Variants in PLXNA3 observed in about 807,000 individuals in gnomAD.
The protein encoded by PLXNA3 is plexin-A3.
PLXNA3 carries 52 observed loss-of-function variants against 118.8 expected under a neutral mutation model. The observed-to-expected ratio is 0.44, with a 90% CI of 0.35 to 0.55. The LOEUF (loss-of-function observed/expected upper bound fraction) is 0.55. Among genes scored for constraint, PLXNA3 ranks in the 20% least tolerant of loss-of-function variants. PLXNA3 has a pLI of 0.01. For missense variants in PLXNA3, 1,660 were observed against 1,730.8 expected (o/e 0.96, Z 0.73); for synonymous variants, 925 against 762.4 (o/e 1.21, Z -3.51).
chrX:154,470,953 C>T (rs1486585805), intron 30 of PLXNA3, 152 bp from the exon 31 acceptor site: 26 of 470,841 alleles, frequency 5.5e-5, no homozygotes, highest in South Asian at 2.5e-4. Flanking sequence ...TCAGCAGAGA[C>T]TTAGAGGAAA....
chrX:154,460,189 C>T lies in PLXNA3; in HGVS notation c.6C>T (p.Pro2=), dbSNP rs782516007. The change falls in exon 2 of 33, where the codon CCC becomes CCT. Residue 2 remains proline, a synonymous_variant. Transcript: ENST00000369682. M[P]SVCLLLLLFL... The stretch of plus-strand genomic sequence containing the variant: ...CCCAGGCGCGGCTGCCGGCCATGCC[C>T]TCTGTCTGCCTCCTCCTGCTGCTCT... The T allele has an allele frequency of 5.0e-6, 6 of 1,200,546 alleles. No homozygotes were observed. The South Asian group carries it at 7.1e-5, about 14-fold the overall frequency.
intron 3 of PLXNA3, 45 bp downstream of exon 3, chrX:154,461,683 G>T: frequency 9.0e-7 from 1 of 1,107,643 alleles, no homozygotes; most frequent in Non-Finnish European, 1.2e-6. Context: ...CCTGTCCCAG[G>T]TCTACCATGC....
chrX:154,461,298 T>A lies in PLXNA3; in HGVS notation c.794T>A (p.Met265Lys). Residue 265 changes from methionine to lysine, a missense_variant, in exon 3 of 33, where the codon ATG becomes AAG. Coordinates refer to ENST00000369682, the MANE Select transcript of PLXNA3 (RefSeq NM_017514.5). ...TTTTTCACGTCCAAGATCGTGCGCA[T>A]GTGCGCGGGAGACTCAGAGTTCTAC... ...EKFFTSKIVR[M>K]CAGDSEFYSY... 2.5e-6 allele frequency: 3 copies of A among 1,212,098 alleles called. No individual in the cohort carries two copies. The highest frequency in any genetic ancestry group is 3.4e-6 in the Non-Finnish European group (3 of 895,315).
rs1557208815 is a variant in PLXNA3 at position 154,469,993 on chromosome X, G to A, written c.4812G>A (p.Thr1604=). The change falls in exon 29 of 33, where the codon ACG becomes ACA. Residue 1604 remains threonine, a synonymous_variant. Coordinates refer to ENST00000369682, the MANE Select transcript of PLXNA3 (RefSeq NM_017514.5). Reference sequence around the variant, plus strand: ...CTGCTCCAGAGAGCTTGCTCCGCACGGCCAGCAGCCCTGATAGCCTCCGCT... The same window carrying A: ...CTGCTCCAGAGAGCTTGCTCCGCACAGCCAGCAGCCCTGATAGCCTCCGCT... ...SLSRYESLLR[T]ASSPDSLRSR... 9 of 1,211,112 alleles carry A rather than the reference G, an allele frequency of 7.4e-6. No individual in the cohort carries two copies. Among genetic ancestry groups the A allele is most frequent in the Non-Finnish European group, 8.9e-6 (8 of 895,261 alleles).
In PLXNA3 at chrX:154,470,583, G is replaced by T; in HGVS notation, c.5128G>T (p.Asp1710Tyr). The part of the protein sequence containing the change: ...QADQRQISDP[D>Y]VRHTWKSNCL... ...GGACCAGCGCCAGATCAGCGACCCCGATGTGCGCCACACCTGGAAGAGCAA... is the reference window on the plus strand; with the variant it reads ...GGACCAGCGCCAGATCAGCGACCCCTATGTGCGCCACACCTGGAAGAGCAA... The change falls in exon 30 of 33, where the codon GAT becomes TAT. Residue 1710 changes from aspartate (D) to tyrosine (Y), a missense_variant. This residue lies in a region of PLXNA3 where 869 missense variants were observed against 1,078.7 expected (regional missense o/e 0.81). Transcript: ENST00000369682. 1 of 1,211,147 alleles carries T rather than the reference G, an allele frequency of 8.3e-7. No homozygotes were observed. Among genetic ancestry groups the T allele is most frequent in the Non-Finnish European group, 1.1e-6 (1 of 895,188 alleles).
At chrX:154,466,911 G>A in intron 17 of PLXNA3, 118 bp downstream of exon 17, 1 of 856,239 alleles carries the variant, frequency 1.2e-6, no homozygotes, top group South Asian at 2.5e-5. Flanking sequence ...GGAGGGGGTG[G>A]AGCTGTCCTG....
At chrX:154,461,003 A>C in intron 2 of PLXNA3, 96 bp from the exon 3 acceptor site, 1 of 835,339 alleles carries the variant, frequency 1.2e-6, no homozygotes, top group Non-Finnish European at 1.7e-6. Flanking sequence ...CTCTGTGATC[A>C]TCCAGGCGGG....
rs781949167 is a variant in PLXNA3 at position 154,460,420 on chromosome X, G to A, written c.237G>A (p.Pro79=). Reference sequence around the variant, plus strand: ...TCGAGGACAACGCTCGCTGCTACCCGCCCCCCAGCATGCGCGTGTGTGCCC... The same window carrying A: ...TCGAGGACAACGCTCGCTGCTACCCACCCCCCAGCATGCGCGTGTGTGCCC... The part of the protein sequence containing the change: ...GPVEDNARCY[P]PPSMRVCAHR... Residue 79 remains proline, a synonymous_variant, in exon 2 of 33, where the codon CCG becomes CCA. Coordinates refer to ENST00000369682, the MANE Select transcript of PLXNA3 (RefSeq NM_017514.5). 34 of 1,201,284 alleles carry A rather than the reference G, an allele frequency of 2.8e-5. No homozygotes were observed. In the Admixed American group the frequency reaches 3.1e-4, roughly 11 times the overall value.
rs377112858 is a variant in PLXNA3, at chrX:154,467,825, C to T, written c.3644C>T (p.Ala1215Val). The T allele has an allele frequency of 7.5e-6, 9 of 1,203,473 alleles. No individual in the cohort carries two copies. Among genetic ancestry groups the T allele is most frequent in the South Asian group, 7.0e-5 (4 of 56,757 alleles). Residue 1215 changes from alanine to valine, a missense_variant, in exon 21 of 33, where the codon GCG becomes GTG. Physicochemically the swap from Ala to Val is moderately conservative, Grantham distance 64 (BLOSUM62 0). This residue lies in a region of PLXNA3 where 869 missense variants were observed against 1,078.7 expected (regional missense o/e 0.81). Transcript: ENST00000369682. ...LGTLHISAER[A>V]LTLPAMMGLA... is the part of the protein sequence containing the mutation. ...ACCCTGCACATCTCGGCAGAGCGGG[C>T]GCTGACCCTACCGGCCATGATGGGG...
intron 5 of PLXNA3, 27 bp downstream of exon 5, chrX:154,463,546 T>TGTGGGGGGGGGGGGGGGGG: frequency 1.3e-6 from 1 of 776,275 alleles, no homozygotes. Flanking sequence ...TGGCGGTGGG[T>TGTGGGGGGGGGGGGGGGGG]GGTGGGGCGG....
rs782182359 is a variant in PLXNA3 at position 154,467,826 on chromosome X, G to A, written c.3645G>A (p.Ala1215=). 14 of 1,203,795 alleles carry A rather than the reference G, an allele frequency of 1.2e-5. No homozygotes were observed. The highest frequency in any genetic ancestry group is 2.3e-4 in the Middle Eastern group (1 of 4,371). Residue 1215 remains alanine, a synonymous_variant, in exon 21 of 33, where the codon GCG becomes GCA. Transcript: ENST00000369682. ...LGTLHISAER[A]LTLPAMMGLA... ...CCCTGCACATCTCGGCAGAGCGGGC[G>A]CTGACCCTACCGGCCATGATGGGGC...
In PLXNA3 at chrX:154,461,443, T is replaced by C; in HGVS notation, c.939T>C (p.Asp313=). The C allele has an allele frequency of 8.3e-7, 1 of 1,211,265 alleles. No individual in the cohort carries two copies. Among genetic ancestry groups the C allele is most frequent in the Non-Finnish European group, 1.1e-6 (1 of 895,077 alleles). The change falls in exon 3 of 33, where the codon GAT becomes GAC. Residue 313 remains aspartate (D), a synonymous_variant. Coordinates refer to ENST00000369682, the MANE Select transcript of PLXNA3 (RefSeq NM_017514.5). ...LLAQALGVPA[D]EDVLFTIFSQ... ...CCCAGGCCCTGGGCGTGCCGGCTGA[T>C]GAGGACGTCCTCTTCACCATCTTCT...
Position 154,468,359 on chromosome X carries a change from C to T in PLXNA3, c.4020C>T (p.Arg1340=), listed in dbSNP as rs150847200. Residue 1340 remains arginine, a synonymous_variant, in exon 23 of 33, where the codon CGC becomes CGT. Coordinates refer to ENST00000369682, the MANE Select transcript of PLXNA3 (RefSeq NM_017514.5). ...LRLFGQLLHS[R]AFVLTFIHTL... is the part of the protein sequence containing the mutation. ...TCTTCGGGCAGCTGCTGCACAGCCG[C>T]GCGTTCGTGCTTACCTTCATCCACA... 76 of 1,208,752 alleles carry T rather than the reference C, an allele frequency of 6.3e-5. No individual in the cohort carries two copies. The highest frequency in any genetic ancestry group is 1.6e-4 in the African/African-American group (9 of 57,334).
chrX:154,476,651 G>C lies in PLXNA3; in HGVS notation c.*3966G>C, dbSNP rs1433808006. The C allele has an allele frequency of 8.9e-6, 1 of 111,746 alleles. No individual in the cohort carries two copies. The highest frequency in any genetic ancestry group is 9.5e-5 in the Admixed American group (1 of 10,513). The allele number at this position is 111,746 out of a possible 1,213,427, so 9.2% of individuals were successfully genotyped here. A position where few individuals can be genotyped will look rare whatever the true frequency, so the allele number is the denominator to read the frequency against. On this transcript the variant is annotated 3_prime_UTR_variant, in exon 33 of 33. Coordinates refer to ENST00000369682, the MANE Select transcript of PLXNA3 (RefSeq NM_017514.5). ...TCCCCAGATTCTACAAAGGGAAACT[G>C]TTCCTCCATATGGAGTAATAGGGAC...
chrX:154,466,638 G>A lies in PLXNA3; in HGVS notation c.2952G>A (p.Ala984=), dbSNP rs1174336383. The change falls in exon 17 of 33, where the codon GCG becomes GCA. Residue 984 remains alanine, a synonymous_variant. Coordinates refer to ENST00000369682, the MANE Select transcript of PLXNA3 (RefSeq NM_017514.5). The stretch of plus-strand genomic sequence containing the variant: ...GCCAATGTAGGAGAGATGCCAAGGC[G>A]ATCGTGTGCATCTCACCTCTCTCCA... ...ECQFVRRDAK[A]IVCISPLSTL... 3 of 1,203,139 alleles carry A rather than the reference G, an allele frequency of 2.5e-6. No individual in the cohort carries two copies. The highest frequency in any genetic ancestry group is 3.4e-6 in the Non-Finnish European group (3 of 891,406).
rs782807216 is a variant in PLXNA3, at chrX:154,461,352, C to T, written c.848C>T (p.Ser283Phe). The change falls in exon 3 of 33, where the codon TCC (serine) becomes TTC (phenylalanine). Residue 283 changes from serine to phenylalanine, a missense_variant. Coordinates refer to ENST00000369682, the MANE Select transcript of PLXNA3 (RefSeq NM_017514.5). ...TACGTGGAATTCCCCATCGGCTGCTCCTGGCGCGGCGTGGAGTACCGCTTG... is the reference window on the plus strand; with the variant it reads ...TACGTGGAATTCCCCATCGGCTGCTTCTGGCGCGGCGTGGAGTACCGCTTG... ...YSYVEFPIGC[S>F]WRGVEYRLVQ... 6.6e-6 allele frequency: 8 copies of T among 1,211,358 alleles called. No individual in the cohort carries two copies. The highest frequency in any genetic ancestry group is 2.3e-4 in the Middle Eastern group (1 of 4,373).
rs1229667302 is a variant in PLXNA3 at position 154,473,706 on chromosome X, C to T, written c.*1021C>T. On this transcript the variant is annotated 3_prime_UTR_variant, in exon 33 of 33. Coordinates refer to ENST00000369682, the MANE Select transcript of PLXNA3 (RefSeq NM_017514.5). ...CTGTGGATGCTGCATGAGCTGGAGC[C>T]CCATTGTGGGAGAAAGGACCACTCC... 3.6e-5 allele frequency: 4 copies of T among 112,384 alleles called. No individual in the cohort carries two copies. The East Asian group carries it at 1.1e-3, about 31-fold the overall frequency. The allele number at this position is 112,384 out of a possible 1,213,427, so 9.3% of individuals were successfully genotyped here.
Position 154,465,118 on chromosome X carries a change from G to A in PLXNA3, c.2144G>A (p.Gly715Asp). The A allele has an allele frequency of 8.3e-7, 1 of 1,210,732 alleles. No individual in the cohort carries two copies. The stretch of plus-strand genomic sequence containing the variant: ...AAGAACCTACCTCAGCCGCAGTCGG[G>A]CCAGAAGAACTATGAGTGCGTGGTG... ...RAKNLPQPQS[G>D]QKNYECVVRV... Residue 715 changes from glycine to aspartate, a missense_variant, in exon 11 of 33, where the codon GGC (glycine) becomes GAC (aspartate). Gly to Asp is a moderately conservative substitution (Grantham distance 94, BLOSUM62 -1). This residue lies in a region of PLXNA3 where 869 missense variants were observed against 1,078.7 expected (regional missense o/e 0.81). Coordinates refer to ENST00000369682, the MANE Select transcript of PLXNA3 (RefSeq NM_017514.5).
chrX:154,474,939 C>T lies in PLXNA3; in HGVS notation c.*2254C>T, dbSNP rs2069225912. On this transcript the variant is annotated 3_prime_UTR_variant, in exon 33 of 33. Transcript: ENST00000369682. The stretch of plus-strand genomic sequence containing the variant: ...AGTAGCTAGGATTACAAGTGCTTGC[C>T]ACCATACCCAGCTGTTTTTTGTTTT... 1 of 102,981 alleles carries T rather than the reference C, an allele frequency of 9.7e-6. No homozygotes were observed. Among genetic ancestry groups the T allele is most frequent in the Non-Finnish European group, 2.0e-5 (1 of 50,362 alleles). 8.5% of individuals were successfully genotyped at this position (102,981 alleles called of 1,213,427 possible). A position where few individuals can be genotyped will look rare whatever the true frequency, so the allele number is the denominator to read the frequency against.
Sources: gnomAD v4.1 joint callset for allele counts on GRCh38, gnomAD v4.1.1 for gene constraint, gnomAD v4.1.1 regional missense constraint, MANE v1.5 for transcripts, NCBI Gene and HGNC (gene_info 2026-07-23, HGNC 2026-07-21) for gene names.